The following SUPT3H variants were observed in gnomAD, a reference collection of about 807,000 sequenced individuals.
SUPT3H encodes the protein transcription initiation protein SPT3 homolog.
Under a neutral mutation model 44.3 loss-of-function variants are expected in SUPT3H, and 44 were observed. That is an observed-to-expected ratio of 0.99 (90% CI 0.78 to 1.28). SUPT3H has a LOEUF of 1.28. SUPT3H is among the 50% of genes most tolerant of loss of function. The pLI, the probability that SUPT3H is intolerant of heterozygous loss-of-function variation, is 0.00. For missense variants in SUPT3H, 380 were observed against 387.1 expected, an observed-to-expected ratio of 0.98 and a Z score of 0.15; for synonymous variants, 124 against 125.6, an observed-to-expected ratio of 0.99 and a Z score of 0.09.
In SUPT3H at chr6:44,937,900, C is replaced by CTT. The variant is rs746279156; in HGVS notation, c.802-5139_802-5138dup. Among the ~76,000 whole-genome samples, 482 of 59,110 alleles carry CTT rather than the reference C, an allele frequency of 8.2e-3. 75 individuals carry two copies. The highest frequency in any genetic ancestry group is 0.032 in the African/African-American group (425 of 13,286). 38.8% of individuals were successfully genotyped at this position (59,110 alleles called of 152,430 possible). A position where few individuals can be genotyped will look rare whatever the true frequency, so the allele number is the denominator to read the frequency against. On this transcript the variant is annotated intron_variant, in intron 9 of 10. Transcript: ENST00000371459. ...ATTCTGCAGGTTCTTTGCTCACTAT[C>CTT]TTTTTTTTTTTTTTTTTTTTTTTTT...
Position 45,339,368 on chromosome 6 carries a change from A to G in SUPT3H, c.101+25833T>C, listed in dbSNP as rs73735377. ...ATAAATTAGCCAAGATTGTGAGCCA[A>G]TAGATAGCCAACTTTTAATACTCCT... is the stretch of plus-strand genomic sequence containing the variant. On this transcript the variant is annotated intron_variant, in intron 2 of 10. Coordinates refer to ENST00000371459, the MANE Select transcript of SUPT3H (RefSeq NM_003599.4). 3.9e-3 allele frequency among the ~76,000 whole-genome samples: 597 copies of G among 152,310 alleles called. 7 individuals carry two copies. The highest frequency in any genetic ancestry group is 0.014 in the African/African-American group (569 of 41,580).
At chr6:44,911,261 T>C (rs897533113) in intron 10 of SUPT3H, among the ~76,000 whole-genome samples, 1 of 127,528 alleles carries the variant, frequency 7.8e-6, no homozygotes, top group East Asian at 3.4e-4. Flanking sequence ...TTAAATTTTT[T>C]AGTCAGCATT....
intron 2 of SUPT3H, among the ~76,000 whole-genome samples, chr6:45,122,698 T>A (rs1310249350): frequency 2.0e-5 from 3 of 152,042 alleles, no homozygotes; most frequent in East Asian, 1.9e-4. Flanking sequence ...TAAAAAAAAA[T>A]TTTGGGAGTA....
chr6:45,270,865 T>C (rs1205518497), intron 2 of SUPT3H, among the ~76,000 whole-genome samples: 1 of 152,174 alleles, frequency 6.6e-6, no homozygotes, highest in Admixed American at 6.5e-5. Context: ...CTGATAATGA[T>C]ATGAACAATG....
chr6:45,270,283 C>A (rs112866546), intron 2 of SUPT3H, among the ~76,000 whole-genome samples: 1 of 151,776 alleles, frequency 6.6e-6, no homozygotes, highest in African/African-American at 2.4e-5. Flanking sequence ...TTTTTTTATA[C>A]ACTATTAACT....
At chr6:45,307,467 C>A (rs566806702) in intron 2 of SUPT3H, among the ~76,000 whole-genome samples, 3 of 152,304 alleles carry the variant, frequency 2.0e-5, no homozygotes, top group Non-Finnish European at 4.4e-5. Flanking sequence ...CAGCAATATA[C>A]GCTGTTCTGC....
intron 1 of SUPT3H, among the ~76,000 whole-genome samples, chr6:45,369,945 C>G (rs1454742560): frequency 6.6e-6 from 1 of 152,026 alleles, no homozygotes; most frequent in Non-Finnish European, 1.5e-5. Context: ...GCCAGTGTGG[C>G]TAGAAAGATA....
Position 44,886,832 on chromosome 6 carries a change from A to G in SUPT3H, c.912+45821T>C, listed in dbSNP as rs559747410. ...AAAGACACAGACTGGCAAATTGGAT[A>G]AAGAGTCAAGACCCATCAGTGTGCT... On this transcript the variant is annotated intron_variant, in intron 10 of 10. Transcript: ENST00000371459. 3.9e-3 allele frequency among the ~76,000 whole-genome samples: 599 copies of G among 152,288 alleles called. 7 individuals are homozygous for G. Among genetic ancestry groups the G allele is most frequent in the African/African-American group, 0.014 (567 of 41,558 alleles).
intron 3 of SUPT3H, chr6:45,098,668 G>T (rs1016504488): frequency 4.8e-5 from 16 of 336,364 alleles, no homozygotes; most frequent in Non-Finnish European, 9.3e-5. Context: ...CTTCAATCAT[G>T]CCCCATCTGG....
At chr6:44,865,608 C>T (rs115024055) in intron 10 of SUPT3H, among the ~76,000 whole-genome samples, 1 of 152,086 alleles carries the variant, frequency 6.6e-6, no homozygotes, top group African/African-American at 2.4e-5. Flanking sequence ...CTTATCAAAC[C>T]ATTAGAACTT....
At position 45,365,314 on chromosome 6, in the gene SUPT3H, G is replaced by T; in HGVS notation, c.1-13C>A. ...CCGTATTATTCATCTAAATAAAAAG[G>T]AGAAATAAAGCTTACAAAATGTACC... On this transcript the variant is annotated splice_polypyrimidine_tract_variant and intron_variant, in intron 1 of 10. Coordinates refer to ENST00000371459, the MANE Select transcript of SUPT3H (RefSeq NM_003599.4). 2 of 1,572,612 alleles carry T rather than the reference G, an allele frequency of 1.3e-6. No individual in the cohort carries two copies. Among genetic ancestry groups the T allele is most frequent in the Non-Finnish European group, 1.7e-6 (2 of 1,147,356 alleles).
intron 5 of SUPT3H, among the ~76,000 whole-genome samples, chr6:45,008,263 C>T (rs768312558): frequency 1.1e-4 from 16 of 152,160 alleles, no homozygotes; most frequent in Admixed American, 2.0e-4. Flanking sequence ...TTCCAAAATG[C>T]TTTCTGAATT....
chr6:45,128,658 TAGAATGA>T (rs1802929540), intron 2 of SUPT3H, among the ~76,000 whole-genome samples: 3 of 143,608 alleles, frequency 2.1e-5, no homozygotes, highest in Admixed American at 7.0e-5. Flanking sequence ...GTCCAGTCTA[TAGAATGA>T]AAAGTATTTT....
chr6:45,176,606 T>G (rs1253306659), intron 2 of SUPT3H, among the ~76,000 whole-genome samples: 1 of 145,758 alleles, frequency 6.9e-6, no homozygotes, highest in Non-Finnish European at 1.5e-5. Context: ...CTCTGTAGGC[T>G]CCACCTCTGG....
chr6:45,026,224 A>G (rs968181484), intron 3 of SUPT3H, among the ~76,000 whole-genome samples: 10 of 152,182 alleles, frequency 6.6e-5, no homozygotes, highest in African/African-American at 2.2e-4. Flanking sequence ...CTAGCCAGAG[A>G]TAACCTCAAA....
intron 2 of SUPT3H, among the ~76,000 whole-genome samples, chr6:45,237,379 C>T (rs1459400751): frequency 1.3e-5 from 2 of 152,142 alleles, no homozygotes; most frequent in African/African-American, 4.8e-5. Flanking sequence ...CGATGGACAA[C>T]CTGGGAATAT....
chr6:45,347,007 G>A lies in SUPT3H; in HGVS notation c.101+18194C>T, dbSNP rs954983598. On this transcript the variant is annotated intron_variant, in intron 2 of 10. Transcript: ENST00000371459. Reference sequence around the variant, plus strand: ...GAAATACTATATAAGAAAAGAAAATGCCTTAAAAATAACTTACATGGCTGA... The same window carrying A: ...GAAATACTATATAAGAAAAGAAAATACCTTAAAAATAACTTACATGGCTGA... Among the ~76,000 whole-genome samples, 14 of 152,186 alleles carry A rather than the reference G, an allele frequency of 9.2e-5. No individual in the cohort carries two copies. The East Asian group carries it at 2.7e-3, about 29-fold the overall frequency.
chr6:44,854,078 A>G (rs1430103145), intron 10 of SUPT3H, among the ~76,000 whole-genome samples: 1 of 152,152 alleles, frequency 6.6e-6, no homozygotes, highest in Non-Finnish European at 1.5e-5. Context: ...CAGAAGAATA[A>G]ACAAGACACA....
At chr6:45,101,498 G>T (rs892851360) in intron 3 of SUPT3H, among the ~76,000 whole-genome samples, 1 of 152,162 alleles carries the variant, frequency 6.6e-6, no homozygotes, top group African/African-American at 2.4e-5. Context: ...GGTGAGGAAA[G>T]GGAAGTGGAG....
Sources: allele counts gnomAD v4.1 joint callset (sites outside exome capture counted in the v4.1 genomes callset), GRCh38; gene constraint gnomAD v4.1.1; transcripts MANE v1.5; gene names NCBI Gene and HGNC (gene_info 2026-07-23, HGNC 2026-07-21).